The following ADGB variants were observed in gnomAD, a reference collection of about 807,000 sequenced individuals.
The protein encoded by ADGB is calpain-7-like protein.
Under a neutral mutation model 210.5 loss-of-function variants are expected in ADGB, and 172 were observed. The observed-to-expected ratio is 0.82, with a 90% CI of 0.72 to 0.93. ADGB has a LOEUF of 0.93. Among genes scored for constraint, ADGB ranks in the 40% least tolerant of loss-of-function variants. The probability of loss-of-function intolerance (pLI) is 0.00; values close to 1 mark genes in which losing one functional copy is unlikely to be tolerated. For synonymous variants in ADGB, 658 were observed against 662.7 expected (o/e 0.99, Z 0.11); for missense variants, 2,025 against 1,964.8 (o/e 1.03, Z -0.58).
intron 1 of ADGB, among the ~76,000 whole-genome samples, chr6:146,632,493 C>A (rs906493303): frequency 2.0e-5 from 3 of 152,114 alleles, no homozygotes; most frequent in Admixed American, 2.0e-4. Context: ...TCCACAGTTT[C>A]CAGGGACTAA....
chr6:146,606,073 C>A (rs1222325991), intron 1 of ADGB, among the ~76,000 whole-genome samples: 1 of 152,132 alleles, frequency 6.6e-6, no homozygotes, highest in African/African-American at 2.4e-5. Context: ...TTTCTCTAAA[C>A]CTCACCTGCA....
intron 2 of ADGB, among the ~76,000 whole-genome samples, chr6:146,644,449 C>T (rs1465976368): frequency 6.6e-6 from 1 of 151,842 alleles, no homozygotes; most frequent in African/African-American, 2.4e-5. Flanking sequence ...TCTGGCCCAT[C>T]GTAAATTGCT....
At chr6:146,760,484 C>T (rs1176343887) in intron 27 of ADGB, among the ~76,000 whole-genome samples, 1 of 151,818 alleles carries the variant, frequency 6.6e-6, no homozygotes, top group African/African-American at 2.4e-5. Flanking sequence ...TATGGAGATA[C>T]CACACTTTGT....
Position 146,716,990 on chromosome 6 carries a change from C to T in ADGB, c.1849C>T (p.Gln617Ter). ...GACCACAGCAACACAGGAAAAGTCA[C>T]AGGAAGAACTTCCAACAACAAATAA... ...SQTTATQEKS[Q>*]EELPTTNNSV... Residue 617 changes from glutamine to a stop codon, truncating the protein, a stop_gained, in exon 15 of 36, where the codon CAG becomes TAG. Transcript: ENST00000397944. LOFTEE classifies it high-confidence loss of function. The T allele has an allele frequency of 6.4e-7, 1 of 1,551,550 alleles. No homozygotes were observed. The highest frequency in any genetic ancestry group is 8.7e-7 in the Non-Finnish European group (1 of 1,146,940).
chr6:146,684,912 T>A (rs1776201940), intron 9 of ADGB, among the ~76,000 whole-genome samples: 2 of 152,098 alleles, frequency 1.3e-5, no homozygotes, highest in Non-Finnish European at 2.9e-5. Context: ...AAAGTATGTT[T>A]CTCTAAGTTT....
chr6:146,787,974 A>G (rs1777901652), intron 32 of ADGB, among the ~76,000 whole-genome samples: 1 of 152,182 alleles, frequency 6.6e-6, no homozygotes, highest in African/African-American at 2.4e-5. Flanking sequence ...GTTCAGCTCT[A>G]TTTTAAGACA....
intron 35 of ADGB, among the ~76,000 whole-genome samples, chr6:146,806,778 G>C (rs186127267): frequency 5.8e-4 from 88 of 152,332 alleles, no homozygotes; most frequent in African/African-American, 2.0e-3. Flanking sequence ...CAGTGAAGGT[G>C]ACTGAATAGG....
intron 9 of ADGB, among the ~76,000 whole-genome samples, chr6:146,677,055 C>G (rs1399997957): frequency 6.6e-6 from 1 of 152,146 alleles, no homozygotes; most frequent in African/African-American, 2.4e-5. Flanking sequence ...CATTGGAGCT[C>G]TTTCATTTTA....
chr6:146,651,419 A>G (rs1259112983), intron 3 of ADGB, among the ~76,000 whole-genome samples: 4 of 152,220 alleles, frequency 2.6e-5, no homozygotes, highest in African/African-American at 9.6e-5. Context: ...GTGAAAGGAA[A>G]GTAACTTTAT....
chr6:146,771,146 C>G (rs1046890416), intron 29 of ADGB, among the ~76,000 whole-genome samples: 1 of 152,032 alleles, frequency 6.6e-6, no homozygotes, highest in African/African-American at 2.4e-5. Context: ...TGTTGATTCC[C>G]TTGTTGTGGT....
intron 28 of ADGB, among the ~76,000 whole-genome samples, chr6:146,765,347 G>A (rs1777555786): frequency 6.7e-6 from 1 of 149,716 alleles, no homozygotes; most frequent in Non-Finnish European, 1.5e-5. Context: ...GTGAGAATTT[G>A]AAAAAAAAAT....
At chr6:146,794,356 G>A (rs537473613) in intron 33 of ADGB, among the ~76,000 whole-genome samples, 1 of 152,218 alleles carries the variant, frequency 6.6e-6, no homozygotes, top group African/African-American at 2.4e-5. Flanking sequence ...CTGGAAAGGG[G>A]TGTTGGGAGC....
chr6:146,752,777 A>C (rs982102297), intron 27 of ADGB, 63 bp downstream of exon 27: 1 of 1,376,568 alleles, frequency 7.3e-7, no homozygotes, highest in Non-Finnish European at 9.5e-7. Context: ...TTTTCATGAC[A>C]CTTTAAAAAT....
chr6:146,728,315 T>C (rs755237724), intron 19 of ADGB, among the ~76,000 whole-genome samples: 3 of 152,188 alleles, frequency 2.0e-5, no homozygotes, highest in Non-Finnish European at 2.9e-5. Flanking sequence ...GGTCTGGTTA[T>C]TAATACGGTG....
At chr6:146,765,338 T>C (rs987416958) in intron 28 of ADGB, among the ~76,000 whole-genome samples, 1 of 151,826 alleles carries the variant, frequency 6.6e-6, no homozygotes, top group African/African-American at 2.4e-5. Context: ...AATAGAATTG[T>C]GAGAATTTGA....
chr6:146,657,745 G>C (rs1775805091), intron 5 of ADGB, among the ~76,000 whole-genome samples: 1 of 152,176 alleles, frequency 6.6e-6, no homozygotes, highest in African/African-American at 2.4e-5. Flanking sequence ...TTTTGCTGTA[G>C]CTGAGGGGCC....
At chr6:146,643,977 C>T (rs1181359491) in intron 2 of ADGB, among the ~76,000 whole-genome samples, 2 of 151,868 alleles carry the variant, frequency 1.3e-5, no homozygotes, top group Admixed American at 6.6e-5. Context: ...GTTATATAGA[C>T]ATTCAGTATA....
chr6:146,800,097 C>A (rs946894842), intron 33 of ADGB, among the ~76,000 whole-genome samples: 4 of 151,886 alleles, frequency 2.6e-5, no homozygotes, highest in Non-Finnish European at 5.9e-5. Flanking sequence ...CGTGAGCCAC[C>A]GCGCCCGGCC....
At chr6:146,797,365 A>G (rs1374417463) in intron 33 of ADGB, among the ~76,000 whole-genome samples, 1 of 152,208 alleles carries the variant, frequency 6.6e-6, no homozygotes, top group Non-Finnish European at 1.5e-5. Context: ...CCAAAGGAAA[A>G]GAAGTCACTA....
Sources: allele counts gnomAD v4.1 joint callset (sites outside exome capture counted in the v4.1 genomes callset), GRCh38; gene constraint gnomAD v4.1.1; transcripts MANE v1.5; gene names NCBI Gene and HGNC (gene_info 2026-07-23, HGNC 2026-07-21).